Variants in HAPLN1 observed in about 807,000 individuals in gnomAD.
HAPLN1 encodes the protein Cartilage link protein.
HAPLN1 carries 13 observed loss-of-function variants against 36.5 expected under a neutral mutation model. The observed-to-expected ratio is 0.36, with a 90% CI of 0.23 to 0.57. HAPLN1 has a LOEUF of 0.57. Among genes scored for constraint, HAPLN1 ranks in the 20% least tolerant of loss-of-function variants. The pLI, the probability that HAPLN1 is intolerant of heterozygous loss-of-function variation, is 0.83. For missense variants in HAPLN1, 407 were observed against 439.7 expected, an observed-to-expected ratio of 0.93 and a Z score of 0.66; for synonymous variants, 202 against 169.8, an observed-to-expected ratio of 1.19 and a Z score of -1.48.
chr5:83,719,029 T>C (rs974023), intron 1 of HAPLN1, among the ~76,000 whole-genome samples: 114,748 of 152,034 alleles, frequency 0.75, 43,444 homozygotes, highest in East Asian at 0.83. Context: ...TATCTTTCTG[T>C]GTACTCTGAA....
At chr5:83,705,123 C>T (rs1346341046) in intron 1 of HAPLN1, among the ~76,000 whole-genome samples, 2 of 152,202 alleles carry the variant, frequency 1.3e-5, no homozygotes, top group Non-Finnish European at 1.5e-5. Context: ...GGCGCAGTGG[C>T]TCACATCTGT....
intron 2 of HAPLN1, among the ~76,000 whole-genome samples, chr5:83,665,163 C>A (rs1488991690): frequency 6.6e-6 from 1 of 151,466 alleles, no homozygotes; most frequent in African/African-American, 2.4e-5. Flanking sequence ...CCTTTCTGTG[C>A]TGAAGAAACC....
chr5:83,698,723 G>A (rs965789341), intron 1 of HAPLN1, among the ~76,000 whole-genome samples: 2 of 152,136 alleles, frequency 1.3e-5, no homozygotes, highest in African/African-American at 4.8e-5. Flanking sequence ...ATTTTATAAT[G>A]GATAATGAAA....
At chr5:83,668,198 G>A (rs552512725) in intron 2 of HAPLN1, among the ~76,000 whole-genome samples, 1 of 152,260 alleles carries the variant, frequency 6.6e-6, no homozygotes, top group Non-Finnish European at 1.5e-5. Flanking sequence ...TCTTGTGGTA[G>A]AGACAGATGA....
At chr5:83,655,001 A>T (rs1236741909) in intron 2 of HAPLN1, among the ~76,000 whole-genome samples, 1 of 152,238 alleles carries the variant, frequency 6.6e-6, no homozygotes, top group Non-Finnish European at 1.5e-5. Context: ...TTCCTACTGC[A>T]TAGATTTTAC....
In HAPLN1 at chr5:83,644,444, CT is replaced by C. The variant is rs1561298691; in HGVS notation, c.693del (p.Val232CysfsTer33). 6.2e-7 allele frequency: 1 copy of C among 1,612,274 alleles called. No individual in the cohort carries two copies. The highest frequency in any genetic ancestry group is 2.2e-5 in the East Asian group (1 of 44,806). Reference sequence around the variant, plus strand: ...AATCCGTAGTTCCTGACTCCGGGCACTGTGTTCTGCCCCCCACAGGGCTCTC... The same window carrying C: ...AATCCGTAGTTCCTGACTCCGGGCACGTGTTCTGCCCCCCACAGGGCTCTC... ...KPREPCGGQN[T>X]VPGVRNYGFW... is the part of the protein sequence containing the mutation. On this transcript the variant is annotated frameshift_variant, in exon 4 of 5. Coordinates refer to ENST00000274341, the MANE Select transcript of HAPLN1 (RefSeq NM_001884.4). LOFTEE classifies it high-confidence loss of function.
intron 2 of HAPLN1, among the ~76,000 whole-genome samples, chr5:83,660,421 A>G (rs1379564859): frequency 6.6e-6 from 1 of 152,174 alleles, no homozygotes; most frequent in African/African-American, 2.4e-5. Flanking sequence ...GCCCCCGCAA[A>G]GGATATCTAA....
chr5:83,717,477 T>A (rs1319817840), intron 1 of HAPLN1, among the ~76,000 whole-genome samples: 1 of 152,176 alleles, frequency 6.6e-6, no homozygotes, highest in Non-Finnish European at 1.5e-5. Context: ...AACAAATTCA[T>A]CATTTTTTTC....
chr5:83,667,505 T>C (rs1235119785), intron 2 of HAPLN1, among the ~76,000 whole-genome samples: 2 of 152,192 alleles, frequency 1.3e-5, no homozygotes, highest in African/African-American at 4.8e-5. Context: ...TTATAAAATA[T>C]TTGTAGATAT....
intron 3 of HAPLN1, among the ~76,000 whole-genome samples, chr5:83,649,594 A>C (rs886728768): frequency 6.6e-6 from 1 of 152,066 alleles, no homozygotes; most frequent in Non-Finnish European, 1.5e-5. Flanking sequence ...GATTACAGGC[A>C]CGTACCACCA....
chr5:83,681,765 T>A (rs945966639), intron 1 of HAPLN1, among the ~76,000 whole-genome samples: 2 of 152,186 alleles, frequency 1.3e-5, no homozygotes, highest in Admixed American at 6.6e-5. Context: ...CCTCTTCATA[T>A]TATAATGTAC....
chr5:83,689,454 C>T (rs1638925790), intron 1 of HAPLN1, among the ~76,000 whole-genome samples: 2 of 107,142 alleles, frequency 1.9e-5, no homozygotes, highest in Non-Finnish European at 2.3e-5. Context: ...GGCCTTATAA[C>T]TGAACTACAA....
chr5:83,655,414 T>C (rs1363537923), intron 2 of HAPLN1, among the ~76,000 whole-genome samples: 1 of 151,772 alleles, frequency 6.6e-6, no homozygotes, highest in Non-Finnish European at 1.5e-5. Flanking sequence ...GGTATAATGT[T>C]GAAAATTAAG....
At chr5:83,648,550 A>G (rs1749952869) in intron 3 of HAPLN1, among the ~76,000 whole-genome samples, 1 of 150,780 alleles carries the variant, frequency 6.6e-6, no homozygotes, top group African/African-American at 2.5e-5. Flanking sequence ...TTTAGGCTAC[A>G]TGAAGAATTT....
At position 83,652,839 on chromosome 5, in the gene HAPLN1, G is replaced by GA. The variant is rs760495727; in HGVS notation, c.101-16dup. On this transcript the variant is annotated splice_polypyrimidine_tract_variant and intron_variant, in intron 2 of 4. Transcript: ENST00000274341. ...GCCATTTTCTGCTATAATTAAAAAG[G>GA]AAAAAAAAAAGAAAATAACTATTAA... 7,983 of 1,375,780 alleles carry GA rather than the reference G, an allele frequency of 5.8e-3. 4 individuals are homozygous for GA. Among genetic ancestry groups the GA allele is most frequent in the African/African-American group, 0.011 (707 of 65,708 alleles). 85.2% of individuals were successfully genotyped at this position (1,375,780 alleles called of 1,614,324 possible). A position where few individuals can be genotyped will look rare whatever the true frequency, so the allele number is the denominator to read the frequency against.
intron 1 of HAPLN1, among the ~76,000 whole-genome samples, chr5:83,678,616 C>T (rs1221535369): frequency 6.6e-6 from 1 of 152,156 alleles, no homozygotes; most frequent in Admixed American, 6.6e-5. Flanking sequence ...TCTGGGTCCA[C>T]TGCTCTTCTC....
chr5:83,695,624 CTATATAGATAAATATATTTA>C (rs1353552337), intron 1 of HAPLN1, among the ~76,000 whole-genome samples: 5 of 130,234 alleles, frequency 3.8e-5, no homozygotes, highest in South Asian at 2.4e-4. Context: ...AGATATATAT[CTATATAGATAAATATATTTA>C]TATATAGATA....
intron 2 of HAPLN1, 137 bp from the exon 3 acceptor site, chr5:83,652,961 T>C: frequency 1.2e-6 from 1 of 834,010 alleles, no homozygotes; most frequent in Non-Finnish European, 1.8e-6. Context: ...ACGTAATCTC[T>C]TTTGAACCAT....
chr5:83,659,417 T>C (rs1381611859), intron 2 of HAPLN1, among the ~76,000 whole-genome samples: 5 of 152,196 alleles, frequency 3.3e-5, no homozygotes, highest in African/African-American at 9.7e-5. Flanking sequence ...TAGTTTGACA[T>C]AAAGTATATC....
Sources: gnomAD v4.1 joint callset for allele counts (sites outside exome capture counted in the v4.1 genomes callset) on GRCh38, gnomAD v4.1.1 for gene constraint, MANE v1.5 for transcripts, NCBI Gene and HGNC (gene_info 2026-07-23, HGNC 2026-07-21) for gene names.